TARBP1: variants seen among roughly 807,000 people sequenced by gnomAD.
TARBP1 encodes the protein tRNA (guanosine(18)-2'-O)-methyltransferase TARBP1.
Under a neutral mutation model 178.6 loss-of-function variants are expected in TARBP1, and 144 were observed. The observed-to-expected ratio is 0.81, with a 90% CI of 0.70 to 0.93. The LOEUF (loss-of-function observed/expected upper bound fraction) is 0.93, where lower values mean the gene tolerates loss of function less well. Ranked by LOEUF, TARBP1 falls within the 40% of genes least tolerant of loss-of-function variation. TARBP1 has a pLI of 0.00. For synonymous variants in TARBP1, 787 were observed against 781.0 expected (o/e 1.01, Z -0.13); for missense variants, 2,067 against 2,011.7 (o/e 1.03, Z -0.53).
At chr1:234,468,236 T>C (rs1312272481) in intron 3 of TARBP1, among the ~76,000 whole-genome samples, 1 of 152,014 alleles carries the variant, frequency 6.6e-6, no homozygotes, top group Non-Finnish European at 1.5e-5. Flanking sequence ...ATGGATCACA[T>C]GAGGCCAGGA....
chr1:234,398,244 T>A, intron 26 of TARBP1, 138 bp downstream of exon 26: 1 of 628,396 alleles, frequency 1.6e-6, no homozygotes, highest in East Asian at 3.2e-5. Context: ...TTCACTGTCT[T>A]TTCCCTAAGT....
chr1:234,433,361 T>C (rs1352306342), intron 14 of TARBP1, 49 bp downstream of exon 14: 2 of 1,568,264 alleles, frequency 1.3e-6, no homozygotes, highest in Admixed American at 1.8e-5. Context: ...ATGTATTCCC[T>C]GTATGCCTTA....
chr1:234,415,628 C>T (rs1662336989), intron 22 of TARBP1, among the ~76,000 whole-genome samples: 1 of 152,070 alleles, frequency 6.6e-6, no homozygotes, highest in Admixed American at 6.6e-5. Context: ...GACTCCATTT[C>T]TGATTCCTAA....
At position 234,478,205 on chromosome 1, in the gene TARBP1, GC is replaced by G. The variant is rs769767478; in HGVS notation, c.898del (p.Ala300ProfsTer27). On this transcript the variant is annotated frameshift_variant, in exon 1 of 30. Coordinates refer to ENST00000040877, the MANE Select transcript of TARBP1 (RefSeq NM_005646.4). LOFTEE classifies it high-confidence loss of function. Reference protein sequence around the residue: ...RAVEVSAELGADCTCGPQEGN... With the variant: ...RAVEVSAELGXDCTCGPQEGN... ...TTCCTGGGGCCCGCAGGTGCAGTCG[GC>G]CCCCAGCTCCGCCGACACCTCCACC... 3.1e-6 allele frequency: 5 copies of G among 1,611,754 alleles called. No individual in the cohort carries two copies. The South Asian group carries it at 4.4e-5, about 14-fold the overall frequency.
rs373402229 is a variant in TARBP1, at chr1:234,410,794, G to A, written c.3706-263C>T. 1.5e-3 allele frequency among the ~76,000 whole-genome samples: 229 copies of A among 152,314 alleles called. 2 individuals carry two copies. In the South Asian group the frequency reaches 0.034, roughly 23 times the overall value. Reference sequence around the variant, plus strand: ...TGAATAACTCAACTCTAAGTACAGCGGGGCACAGTGGCTCACGCCTATAAT... The same window carrying A: ...TGAATAACTCAACTCTAAGTACAGCAGGGCACAGTGGCTCACGCCTATAAT... On this transcript the variant is annotated intron_variant, in intron 22 of 29. Coordinates refer to ENST00000040877, the MANE Select transcript of TARBP1 (RefSeq NM_005646.4).
intron 29 of TARBP1, 70 bp from the exon 30 acceptor site, chr1:234,391,815 ATT>A: frequency 6.8e-7 from 1 of 1,476,084 alleles, no homozygotes; most frequent in East Asian, 2.5e-5. Context: ...TATTCTTTTT[ATT>A]TTTTGTTTAT....
Position 234,427,488 on chromosome 1 carries a change from T to C in TARBP1, c.3251+88A>G, listed in dbSNP as rs957925749. 6 of 1,450,826 alleles carry C rather than the reference T, an allele frequency of 4.1e-6. No homozygotes were observed. The Admixed American group carries it at 1.5e-4, about 35-fold the overall frequency. The allele number at this position is 1,450,826 out of a possible 1,614,324, so 89.9% of individuals were successfully genotyped here. On this transcript the variant is annotated intron_variant, in intron 18 of 29. Transcript: ENST00000040877. ...TAACTAATAATTTATATTCTTTTAATTGAAAGCCTCAAAACAAAGACATAA... is the reference window on the plus strand; with the variant it reads ...TAACTAATAATTTATATTCTTTTAACTGAAAGCCTCAAAACAAAGACATAA...
chr1:234,478,352 C>T lies in TARBP1; in HGVS notation c.752G>A (p.Gly251Asp), dbSNP rs1388041705. 1.6e-6 allele frequency: 2 copies of T among 1,270,908 alleles called. No individual in the cohort carries two copies. The highest frequency in any genetic ancestry group is 4.1e-5 in the Admixed American group (1 of 24,128). 78.7% of individuals were successfully genotyped at this position (1,270,908 alleles called of 1,614,324 possible). Residue 251 changes from glycine (G) to aspartate (D), a missense_variant, in exon 1 of 30, where the codon GGC (glycine) becomes GAC (aspartate). Physicochemically the swap from Gly to Asp is moderately conservative, Grantham distance 94 (BLOSUM62 -1). Transcript: ENST00000040877. The part of the protein sequence containing the change: ...LPEPGGDRAR[G>D]AREAGPDARR... ...GGCGTCCGGGCCCGCCTCGCGCGCG[C>T]CGCGGGCGCGGTCGCCGCCGGGCTC...
chr1:234,467,456 T>C (rs1269854529), intron 4 of TARBP1, 46 bp downstream of exon 4: 6 of 1,467,164 alleles, frequency 4.1e-6, no homozygotes, highest in Non-Finnish European at 4.5e-6. Flanking sequence ...TTTTTACCTC[T>C]CGCCTTTCAA....
Position 234,447,345 on chromosome 1 carries a change from C to CA in TARBP1, c.1962-371dup, listed in dbSNP as rs34101720. Among the ~76,000 whole-genome samples, 905 of 100,292 alleles carry CA rather than the reference C, an allele frequency of 9.0e-3. 8 individuals are homozygous for CA. Among genetic ancestry groups the CA allele is most frequent in the Middle Eastern group, 0.014 (2 of 142 alleles). The allele number at this position is 100,292 out of a possible 152,430, so 65.8% of individuals were successfully genotyped here. ...GAACTAGAACATGTTTTTAAAAATC[C>CA]AAAAAAAAAAAAAAAAAACCTAAGG... On this transcript the variant is annotated intron_variant, in intron 11 of 29. Transcript: ENST00000040877.
In TARBP1 at chr1:234,393,753, T is replaced by C. The variant is rs1399290649; in HGVS notation, c.4328A>G (p.Asp1443Gly). ...KIIPWNSRVSDLDLELLFQDR... is the reference protein window; with the variant it reads ...KIIPWNSRVSGLDLELLFQDR... ...CTGAAACAGGAGCTCCAGGTCTAAG[T>C]CGGAAACACGACTGTTCCACGGGAT... Residue 1443 changes from aspartate (D) to glycine (G), a missense_variant, in exon 27 of 30, where the codon GAC becomes GGC. Physicochemically the swap from Asp to Gly is moderately conservative, Grantham distance 94 (BLOSUM62 -1). Coordinates refer to ENST00000040877, the MANE Select transcript of TARBP1 (RefSeq NM_005646.4). 6.2e-7 allele frequency: 1 copy of C among 1,614,012 alleles called. No homozygotes were observed. Among genetic ancestry groups the C allele is most frequent in the South Asian group, 1.1e-5 (1 of 91,082 alleles).
chr1:234,464,585 T>TAGC (rs3834094), intron 5 of TARBP1, among the ~76,000 whole-genome samples: 2,136 of 152,324 alleles, frequency 0.014, 9 homozygotes, highest in Middle Eastern at 0.031. Context: ...TATTCAGTAG[T>TAGC]AATGAGTTAT....
At position 234,398,490 on chromosome 1, in the gene TARBP1, T is replaced by C. The variant is rs771292160; in HGVS notation, c.4135A>G (p.Lys1379Glu). The C allele has an allele frequency of 6.2e-7, 1 of 1,611,454 alleles. No individual in the cohort carries two copies. Among genetic ancestry groups the C allele is most frequent in the South Asian group, 1.1e-5 (1 of 90,748 alleles). Residue 1379 changes from lysine to glutamate, a missense_variant, in exon 26 of 30, where the codon AAA (lysine) becomes GAA (glutamate). By Grantham distance (56) the Lys-to-Glu change is moderately conservative (BLOSUM62 1). Coordinates refer to ENST00000040877, the MANE Select transcript of TARBP1 (RefSeq NM_005646.4). ...LIEDEWITID[K>E]FTRFTDVPLA... ...GGAACATCAGTGAATCTGGTAAATT[T>C]ATCAATGGTGATCCATTCATCTTCA...
intron 22 of TARBP1, among the ~76,000 whole-genome samples, chr1:234,415,481 G>C (rs1308001821): frequency 6.6e-6 from 1 of 152,134 alleles, no homozygotes; most frequent in Admixed American, 6.5e-5. Context: ...CCCTTTCTTT[G>C]ATATCTATCC....
chr1:234,450,782 G>GAT (rs1275621855), intron 9 of TARBP1, among the ~76,000 whole-genome samples: 1 of 151,634 alleles, frequency 6.6e-6, no homozygotes, highest in Non-Finnish European at 1.5e-5. Flanking sequence ...ATGTATGTGT[G>GAT]ATATATATAT....
In TARBP1 at chr1:234,429,446, C is replaced by T. The variant is rs892512271; in HGVS notation, c.2841G>A (p.Val947=). 1 of 1,613,446 alleles carries T rather than the reference C, an allele frequency of 6.2e-7. No individual in the cohort carries two copies. The highest frequency in any genetic ancestry group is 8.5e-7 in the Non-Finnish European group (1 of 1,179,790). The change falls in exon 16 of 30, where the codon GTG becomes GTA. Residue 947 remains valine (V), a synonymous_variant. Transcript: ENST00000040877. ...GAACCAACACTTTCAAGCAATGGAA[C>T]ACTGGTAAAACTTGATCAGAAGAAA... ...TVLSSDQVLP[V]FHCLKVLVPK...
intron 9 of TARBP1, among the ~76,000 whole-genome samples, chr1:234,451,442 G>A (rs1408897031): frequency 6.6e-6 from 1 of 152,086 alleles, no homozygotes; most frequent in Non-Finnish European, 1.5e-5. Flanking sequence ...TACATCACCT[G>A]ACCAAAGATA....
At chr1:234,395,884 T>C (rs1659888567) in intron 26 of TARBP1, among the ~76,000 whole-genome samples, 1 of 152,176 alleles carries the variant, frequency 6.6e-6, no homozygotes, top group Admixed American at 6.5e-5. Flanking sequence ...GTAACAATAA[T>C]GTATGTATAC....
intron 20 of TARBP1, among the ~76,000 whole-genome samples, chr1:234,425,039 C>A (rs1202409712): frequency 6.8e-6 from 1 of 146,486 alleles, no homozygotes; most frequent in Admixed American, 6.9e-5. Flanking sequence ...CCAGCCTGGA[C>A]AACAAGAGCG....
Sources: allele counts gnomAD v4.1 joint callset (sites outside exome capture counted in the v4.1 genomes callset), GRCh38; gene constraint gnomAD v4.1.1; transcripts MANE v1.5; gene names NCBI Gene and HGNC (gene_info 2026-07-23, HGNC 2026-07-21).